Variants in CMTM4 observed in about 807,000 individuals in gnomAD.
CMTM4 encodes the protein CKLF-like MARVEL transmembrane domain-containing protein 4.
A neutral mutation model predicts 19.0 loss-of-function variants in CMTM4; 8 were observed. The observed-to-expected ratio is 0.42, with a 90% CI of 0.25 to 0.76. CMTM4 has a LOEUF of 0.76. Ranked by LOEUF, CMTM4 falls within the 30% of genes least tolerant of loss-of-function variation. The pLI, the probability that CMTM4 is intolerant of heterozygous loss-of-function variation, is 0.27. For missense variants in CMTM4, 228 were observed against 290.2 expected, an observed-to-expected ratio of 0.79 and a Z score of 1.56; for synonymous variants, 106 against 121.1, an observed-to-expected ratio of 0.88 and a Z score of 0.82.
chr16:66,679,216 C>T (rs867892216), intron 1 of CMTM4, among the ~76,000 whole-genome samples: 24 of 152,184 alleles, frequency 1.6e-4, no homozygotes, highest in African/African-American at 5.5e-4. Flanking sequence ...GTCAATAATT[C>T]ATCCAACCCC....
intron 1 of CMTM4, among the ~76,000 whole-genome samples, chr16:66,691,061 G>A (rs183553942): frequency 1.0e-3 from 157 of 152,226 alleles, no homozygotes; most frequent in African/African-American, 3.6e-3. Flanking sequence ...AGGTTACAGT[G>A]AGCTATGATC....
Position 66,623,955 on chromosome 16 carries a change from C to T in CMTM4, c.364-453G>A, listed in dbSNP as rs76742668. On this transcript the variant is annotated intron_variant, in intron 2 of 3. Coordinates refer to ENST00000394106, the MANE Select transcript of CMTM4 (RefSeq NM_181521.3). ...AGAGAGCACACTTAGCCAGACTTCA[C>T]GCTCTTTCTCAAGCAGTCTTTCAAG... 3.3e-3 allele frequency among the ~76,000 whole-genome samples: 498 copies of T among 152,348 alleles called. 1 individual carries two copies. Among genetic ancestry groups the T allele is most frequent in the Non-Finnish European group, 5.1e-3 (344 of 68,030 alleles).
At chr16:66,693,944 C>T (rs1286360741) in intron 1 of CMTM4, among the ~76,000 whole-genome samples, 4 of 151,872 alleles carry the variant, frequency 2.6e-5, no homozygotes, top group Admixed American at 2.0e-4. Flanking sequence ...GTCTCTTGAG[C>T]CCAGGTGGCG....
At position 66,615,391 on chromosome 16, in the gene CMTM4, A is replaced by C. The variant is rs1462838494; in HGVS notation, c.*6667T>G. Reference sequence around the variant, plus strand: ...TGCAATGGCTCAGCTAGTTTACTCAAGGGTTTTGGGACCAGACATAACTCA... The same window carrying C: ...TGCAATGGCTCAGCTAGTTTACTCACGGGTTTTGGGACCAGACATAACTCA... On this transcript the variant is annotated 3_prime_UTR_variant, in exon 4 of 4. Coordinates refer to ENST00000394106, the MANE Select transcript of CMTM4 (RefSeq NM_181521.3). This position sits in a 1 kb window ranked among gnomAD's most constrained non-coding sequence, Gnocchi z 4.9. The C allele has an allele frequency of 2.0e-5, 3 of 152,236 alleles. No individual in the cohort carries two copies. The highest frequency in any genetic ancestry group is 7.2e-5 in the African/African-American group (3 of 41,450). The allele number at this position is 152,236 out of a possible 1,614,324, so 9.4% of individuals were successfully genotyped here.
chr16:66,599,385 A>G, the CMTM4 span, among the ~76,000 whole-genome samples: 1 of 152,108 alleles, frequency 6.6e-6, no homozygotes, highest in African/African-American at 2.4e-5. Flanking sequence ...TTAAAAATGA[A>G]TTTTGTTTCT....
intron 1 of CMTM4, among the ~76,000 whole-genome samples, chr16:66,666,249 G>A (rs1162994826): frequency 6.6e-6 from 1 of 151,994 alleles, no homozygotes; most frequent in African/African-American, 2.4e-5. Context: ...TCAGGAGATC[G>A]AGACCATCCT....
intron 2 of CMTM4, among the ~76,000 whole-genome samples, chr16:66,633,891 GC>G (rs2015933330): frequency 6.6e-6 from 1 of 151,438 alleles, no homozygotes; most frequent in Non-Finnish European, 1.5e-5. Context: ...CAAACACACA[GC>G]CTTTATCTGC....
intron 1 of CMTM4, among the ~76,000 whole-genome samples, chr16:66,689,488 C>A (rs1373307956): frequency 6.6e-6 from 1 of 152,146 alleles, no homozygotes; most frequent in Non-Finnish European, 1.5e-5. Flanking sequence ...CGCGGCTCAC[C>A]GCAGCCTTGA....
the CMTM4 span, chr16:66,608,508 T>G: frequency 6.2e-7 from 1 of 1,603,864 alleles, no homozygotes; most frequent in Non-Finnish European, 8.5e-7. The surrounding 1 kb of genome is among the most constrained non-coding windows in gnomAD (Gnocchi z 5.1). Context: ...CTGCACAAAG[T>G]GGCCAGATGA....
chr16:66,651,270 T>C (rs2016305973), intron 1 of CMTM4, among the ~76,000 whole-genome samples: 1 of 152,152 alleles, frequency 6.6e-6, no homozygotes, highest in Non-Finnish European at 1.5e-5. Context: ...GGTGTTGAGA[T>C]GGGGAGTTTT....
intron 1 of CMTM4, among the ~76,000 whole-genome samples, chr16:66,694,988 CATTT>C (rs965746829): frequency 6.6e-6 from 1 of 152,118 alleles, no homozygotes; most frequent in African/African-American, 2.4e-5. Context: ...AACGCCAGGA[CATTT>C]ATTTAAAGGG....
At chr16:66,671,056 G>C (rs1020191019) in intron 1 of CMTM4, among the ~76,000 whole-genome samples, 7 of 152,082 alleles carry the variant, frequency 4.6e-5, no homozygotes, top group South Asian at 2.1e-4. Flanking sequence ...TGTAATCAGA[G>C]AGTAAGTTTT....
chr16:66,663,372 G>GGT (rs1356894494), intron 1 of CMTM4, among the ~76,000 whole-genome samples: 1 of 151,986 alleles, frequency 6.6e-6, no homozygotes, highest in African/African-American at 2.4e-5. Context: ...CAGGCATGGT[G>GGT]GTATACCCCT....
chr16:66,609,391 G>C, the CMTM4 span: 1 of 1,559,924 alleles, frequency 6.4e-7, no homozygotes, highest in Non-Finnish European at 8.8e-7. This position sits in a 1 kb window ranked among gnomAD's most constrained non-coding sequence, Gnocchi z 4.4. Context: ...CCCATGCTGT[G>C]CTCAGCTCCA....
At chr16:66,600,153 T>G in the CMTM4 span, among the ~76,000 whole-genome samples, 1 of 148,124 alleles carries the variant, frequency 6.8e-6, no homozygotes, top group Non-Finnish European at 1.5e-5. Flanking sequence ...TTTGTTTTTT[T>G]TTTTTTTGAG....
downstream of CMTM4, among the ~76,000 whole-genome samples, chr16:66,610,649 TGA>T (rs1289626672): frequency 6.6e-6 from 1 of 152,106 alleles, no homozygotes; most frequent in Non-Finnish European, 1.5e-5. The surrounding 1 kb of genome is among the most constrained non-coding windows in gnomAD (Gnocchi z 4.6). Flanking sequence ...GGAAGAAGGC[TGA>T]GAGCAGAGAC....
At chr16:66,651,307 C>T (rs1016951549) in intron 1 of CMTM4, among the ~76,000 whole-genome samples, 1 of 152,180 alleles carries the variant, frequency 6.6e-6, no homozygotes, top group African/African-American at 2.4e-5. Flanking sequence ...ACACGCTAAA[C>T]AACAGATCAC....
downstream of CMTM4, chr16:66,609,990 C>T (rs2015314871): frequency 1.9e-6 from 3 of 1,614,168 alleles, no homozygotes. The surrounding 1 kb of genome is among the most constrained non-coding windows in gnomAD (Gnocchi z 4.4). Flanking sequence ...AGACCACAGC[C>T]CACAAGACAG....
intron 2 of CMTM4, among the ~76,000 whole-genome samples, chr16:66,632,016 T>A (rs2015882156): frequency 6.6e-6 from 1 of 152,150 alleles, no homozygotes; most frequent in African/African-American, 2.4e-5. Context: ...CCCCTGTGGG[T>A]AACTGCCAAC....
Sources: gnomAD v4.1 joint callset for allele counts (sites outside exome capture counted in the v4.1 genomes callset) on GRCh38, gnomAD v4.1.1 for gene constraint, Gnocchi (gnomAD v3.1) non-coding constraint, MANE v1.5 for transcripts, NCBI Gene and HGNC (gene_info 2026-07-23, HGNC 2026-07-21) for gene names.